Variants in GPC6 observed in about 807,000 individuals in gnomAD.
The protein encoded by GPC6 is glypican-6.
A neutral mutation model predicts 55.2 loss-of-function variants in GPC6; 14 were observed. The ratio of observed to expected loss-of-function variants is 0.25; its 90% confidence interval spans 0.17 to 0.40. The LOEUF is 0.40. GPC6 is among the 10% of genes least tolerant of loss of function. The pLI, the probability that GPC6 is intolerant of heterozygous loss-of-function variation, is 1.00. For synonymous variants in GPC6, 278 were observed against 259.6 expected, an observed-to-expected ratio of 1.07 and a Z score of -0.68; for missense variants, 641 against 708.5, an observed-to-expected ratio of 0.90 and a Z score of 1.08.
At chr13:93,405,157 T>C (rs760023160) in intron 1 of GPC6, among the ~76,000 whole-genome samples, 19 of 152,198 alleles carry the variant, frequency 1.2e-4, no homozygotes, top group Non-Finnish European at 2.8e-4. Context: ...ATCATTCTTA[T>C]GATGTCCTGT....
chr13:93,422,972 T>G (rs1467070758), intron 1 of GPC6, among the ~76,000 whole-genome samples: 1 of 152,172 alleles, frequency 6.6e-6, no homozygotes, highest in Non-Finnish European at 1.5e-5. Flanking sequence ...AAGGAAATGT[T>G]GGTTGCTTAG....
intron 1 of GPC6, among the ~76,000 whole-genome samples, chr13:93,487,557 G>A (rs1265491977): frequency 6.6e-6 from 1 of 151,998 alleles, no homozygotes; most frequent in African/African-American, 2.4e-5. Context: ...GGAACGAGGG[G>A]GTAAGGAAGA....
At chr13:93,301,074 A>G (rs934665041) in intron 1 of GPC6, among the ~76,000 whole-genome samples, 5 of 152,128 alleles carry the variant, frequency 3.3e-5, no homozygotes, top group African/African-American at 1.2e-4. Flanking sequence ...TTCAAATCCA[A>G]CCCGGTTCCA....
intron 4 of GPC6, among the ~76,000 whole-genome samples, chr13:94,095,855 G>A (rs1296582252): frequency 2.6e-5 from 4 of 152,100 alleles, no homozygotes; most frequent in Admixed American, 2.0e-4. Context: ...ATCAGGGAAC[G>A]TACAGATGGG....
intron 2 of GPC6, among the ~76,000 whole-genome samples, chr13:93,756,984 T>C (rs1406432681): frequency 6.6e-6 from 1 of 152,222 alleles, no homozygotes; most frequent in Non-Finnish European, 1.5e-5. Context: ...CTAATTGCTC[T>C]GTGGCACATT....
At chr13:94,363,840 T>A (rs1879168552) in intron 6 of GPC6, among the ~76,000 whole-genome samples, 1 of 152,214 alleles carries the variant, frequency 6.6e-6, no homozygotes, top group African/African-American at 2.4e-5. Context: ...GCAATGGAGA[T>A]GTCCGGTGGA....
At chr13:93,432,179 G>A (rs572302748) in intron 1 of GPC6, among the ~76,000 whole-genome samples, 1 of 152,124 alleles carries the variant, frequency 6.6e-6, no homozygotes, top group Non-Finnish European at 1.5e-5. Context: ...CTGTCATAAA[G>A]ACAAATTAGA....
chr13:93,382,538 T>C (rs1363718136), intron 1 of GPC6, among the ~76,000 whole-genome samples: 1 of 152,178 alleles, frequency 6.6e-6, no homozygotes, highest in Non-Finnish European at 1.5e-5. Flanking sequence ...GAGAATATCA[T>C]TGGCAATTAT....
intron 4 of GPC6, among the ~76,000 whole-genome samples, chr13:94,123,407 T>C (rs1356661781): frequency 6.6e-6 from 1 of 152,106 alleles, no homozygotes; most frequent in Admixed American, 6.6e-5. Flanking sequence ...ATATATATTT[T>C]AATCCTATTA....
chr13:93,803,548 G>A (rs776040108), intron 2 of GPC6, among the ~76,000 whole-genome samples: 2 of 152,038 alleles, frequency 1.3e-5, no homozygotes, highest in African/African-American at 2.4e-5. Flanking sequence ...GCTAAACCTA[G>A]AATTACCATA....
chr13:93,278,401 T>C (rs1877834369), intron 1 of GPC6, among the ~76,000 whole-genome samples: 1 of 152,238 alleles, frequency 6.6e-6, no homozygotes, highest in African/African-American at 2.4e-5. Flanking sequence ...CAGCTGAAAC[T>C]CTACGCCCAT....
chr13:93,345,376 T>C (rs1880391413), intron 1 of GPC6, among the ~76,000 whole-genome samples: 1 of 152,118 alleles, frequency 6.6e-6, no homozygotes, highest in African/African-American at 2.4e-5. Flanking sequence ...TTGTTGTTGA[T>C]GATATCAGTA....
At chr13:93,897,727 TC>T (rs1032804805) in intron 3 of GPC6, among the ~76,000 whole-genome samples, 29 of 151,908 alleles carry the variant, frequency 1.9e-4, no homozygotes, top group Admixed American at 3.9e-4. Context: ...TAGTCTTCTG[TC>T]CCCCCCATCT....
At chr13:93,316,565 A>C (rs9561307) in intron 1 of GPC6, among the ~76,000 whole-genome samples, 38,215 of 151,972 alleles carry the variant, frequency 0.25, 4,870 homozygotes, top group African/African-American at 0.31. Context: ...TTTATACTCT[A>C]AACTGCTATC....
intron 4 of GPC6, among the ~76,000 whole-genome samples, chr13:94,119,931 C>T (rs947921758): frequency 3.9e-5 from 6 of 151,940 alleles, no homozygotes; most frequent in East Asian, 3.9e-4. Flanking sequence ...GCGGTACCAA[C>T]GCTCATATAG....
At chr13:93,556,450 A>G (rs578026681) in intron 2 of GPC6, among the ~76,000 whole-genome samples, 5 of 145,894 alleles carry the variant, frequency 3.4e-5, no homozygotes, top group South Asian at 4.3e-4. Context: ...GGTACATGAG[A>G]TGTTTTGATA....
At chr13:93,764,574 A>C in intron 2 of GPC6, among the ~76,000 whole-genome samples, 1 of 82,024 alleles carries the variant, frequency 1.2e-5, no homozygotes, top group Admixed American at 1.8e-4. Flanking sequence ...AGAAAAAAAT[A>C]AAGATGTAAA....
intron 1 of GPC6, among the ~76,000 whole-genome samples, chr13:93,252,773 T>C (rs1038874851): frequency 1.3e-5 from 2 of 152,242 alleles, no homozygotes; most frequent in Admixed American, 1.3e-4. Flanking sequence ...AATAATTAAA[T>C]ACTCCTTGGT....
At chr13:94,399,603 T>A (rs1446283692) in intron 8 of GPC6, among the ~76,000 whole-genome samples, 1 of 152,170 alleles carries the variant, frequency 6.6e-6, no homozygotes, top group African/African-American at 2.4e-5. Flanking sequence ...ATTAATGAGA[T>A]AGAAAGAAAT....
Sources: allele counts gnomAD v4.1 joint callset (sites outside exome capture counted in the v4.1 genomes callset), GRCh38; gene constraint gnomAD v4.1.1; transcripts MANE v1.5; gene names NCBI Gene and HGNC (gene_info 2026-07-23, HGNC 2026-07-21).